Variants in CACHD1 observed in about 807,000 individuals in gnomAD.
The protein encoded by CACHD1 is cache domain containing 1.
In CACHD1, 71 loss-of-function variants were observed where a neutral mutation model predicts 138.7. The observed-to-expected ratio is 0.51, with a 90% CI of 0.42 to 0.62. The LOEUF is 0.62. Ranked by LOEUF, CACHD1 falls within the 20% of genes least tolerant of loss-of-function variation. The probability of loss-of-function intolerance (pLI) is 0.00; values close to 1 mark genes in which losing one functional copy is unlikely to be tolerated. For synonymous variants in CACHD1, 578 were observed against 591.5 expected (o/e 0.98, Z 0.33); for missense variants, 1,389 against 1,625.3 (o/e 0.85, Z 2.50).
At chr1:64,633,598 A>G (rs1243905065) in intron 6 of CACHD1, among the ~76,000 whole-genome samples, 3 of 152,060 alleles carry the variant, frequency 2.0e-5, no homozygotes, top group East Asian at 1.9e-4. Flanking sequence ...ATGATAATCT[A>G]TTGCCTGTGG....
At position 64,682,027 on chromosome 1, in the gene CACHD1, T is replaced by C. The variant is rs780676926; in HGVS notation, c.3507T>C (p.Ala1169=). The C allele has an allele frequency of 1.7e-5, 27 of 1,613,990 alleles. No individual in the cohort carries two copies. In the East Asian group the frequency reaches 4.0e-4, roughly 24 times the overall value. Residue 1169 remains alanine, a synonymous_variant, in exon 26 of 27, where the codon GCT becomes GCC. Transcript: ENST00000651257. ...CAGTCAGCAACACTCGGTTTATAGC[T>C]GCGGTCATCGAACGACATGCACACA... ...RGIISNTRFI[A]AVIERHAHSP... is the part of the protein sequence containing the mutation.
At chr1:64,634,804 C>A (rs1648454594) in intron 7 of CACHD1, among the ~76,000 whole-genome samples, 1 of 151,876 alleles carries the variant, frequency 6.6e-6, no homozygotes, top group South Asian at 2.1e-4. Flanking sequence ...ACCAGCCTGG[C>A]CAATATGGTG....
intron 7 of CACHD1, among the ~76,000 whole-genome samples, chr1:64,639,832 T>C (rs1012089823): frequency 6.6e-6 from 1 of 152,264 alleles, no homozygotes; most frequent in Non-Finnish European, 1.5e-5. Flanking sequence ...TCTCATAGTT[T>C]CTGTACTTCA....
At chr1:64,673,886 G>A (rs1039883425) in intron 19 of CACHD1, among the ~76,000 whole-genome samples, 1 of 152,122 alleles carries the variant, frequency 6.6e-6, no homozygotes, top group East Asian at 1.9e-4. Context: ...TCTATGAGAT[G>A]GGAACTCTTA....
At chr1:64,544,499 G>T (rs958100296) in intron 1 of CACHD1, among the ~76,000 whole-genome samples, 1 of 152,114 alleles carries the variant, frequency 6.6e-6, no homozygotes, top group Non-Finnish European at 1.5e-5. Context: ...TAAGGGAGGA[G>T]ATGATGGTTT....
intron 2 of CACHD1, among the ~76,000 whole-genome samples, chr1:64,565,249 C>T (rs985306799): frequency 4.0e-5 from 6 of 149,162 alleles, no homozygotes; most frequent in Admixed American, 1.3e-4. Context: ...CAGGTTGGGT[C>T]CTGGTTTAGT....
chr1:64,485,549 C>G (rs1225899578), intron 1 of CACHD1, among the ~76,000 whole-genome samples: 7 of 152,030 alleles, frequency 4.6e-5, no homozygotes, highest in Non-Finnish European at 7.4e-5. Flanking sequence ...TACCCATTCA[C>G]TAATTAAAGA....
intron 4 of CACHD1, among the ~76,000 whole-genome samples, chr1:64,628,918 A>C (rs1002756754): frequency 9.2e-5 from 14 of 152,122 alleles, no homozygotes; most frequent in Admixed American, 7.9e-4. Context: ...TTGCAAAGTA[A>C]AGGCAAGGTT....
At chr1:64,675,347 G>C in intron 19 of CACHD1, 54 bp from the exon 20 acceptor site, 1 of 1,432,886 alleles carries the variant, frequency 7.0e-7, no homozygotes, top group Non-Finnish European at 9.5e-7. Flanking sequence ...ACCAAGGTAG[G>C]GCTGAGTCTT....
At chr1:64,576,399 C>T (rs1646967368) in intron 2 of CACHD1, among the ~76,000 whole-genome samples, 1 of 151,944 alleles carries the variant, frequency 6.6e-6, no homozygotes, top group African/African-American at 2.4e-5. Context: ...CAGGATTAAC[C>T]TCTCTGTGGG....
intron 1 of CACHD1, among the ~76,000 whole-genome samples, chr1:64,523,484 T>G (rs1000621337): frequency 2.0e-5 from 3 of 152,222 alleles, no homozygotes; most frequent in Non-Finnish European, 4.4e-5. Context: ...GCTTGTGCTA[T>G]CTAGGTCTGG....
chr1:64,614,880 C>T (rs1647657474), intron 4 of CACHD1, among the ~76,000 whole-genome samples: 1 of 152,116 alleles, frequency 6.6e-6, no homozygotes, highest in Non-Finnish European at 1.5e-5. Flanking sequence ...CCCTGCTTCT[C>T]TTCCCTCTTT....
At chr1:64,668,103 C>T (rs1169448809) in intron 16 of CACHD1, among the ~76,000 whole-genome samples, 3 of 151,904 alleles carry the variant, frequency 2.0e-5, no homozygotes, top group East Asian at 1.9e-4. Context: ...CCAAGGCAGG[C>T]GGATCATGAG....
At chr1:64,542,715 A>G (rs1199338118) in intron 1 of CACHD1, among the ~76,000 whole-genome samples, 3 of 151,902 alleles carry the variant, frequency 2.0e-5, no homozygotes, top group Non-Finnish European at 4.4e-5. Flanking sequence ...TCTCTATTAA[A>G]CTCTATTAAA....
intron 1 of CACHD1, among the ~76,000 whole-genome samples, chr1:64,504,691 T>C (rs1337396377): frequency 6.6e-6 from 1 of 152,166 alleles, no homozygotes; most frequent in Non-Finnish European, 1.5e-5. Flanking sequence ...TGGAAAGATA[T>C]ACTGACCTGG....
At chr1:64,682,141 G>C in intron 26 of CACHD1, 35 bp downstream of exon 26, 1 of 1,574,752 alleles carries the variant, frequency 6.4e-7, no homozygotes, top group Non-Finnish European at 8.7e-7. Flanking sequence ...AAGACCCAAG[G>C]AACCTCATGT....
chr1:64,574,298 C>T (rs1433431672), intron 2 of CACHD1, among the ~76,000 whole-genome samples: 2 of 152,186 alleles, frequency 1.3e-5, no homozygotes, highest in African/African-American at 4.8e-5. Context: ...CTCCGCCTAG[C>T]TCCCAGGGTT....
chr1:64,571,735 G>C (rs965708872), intron 2 of CACHD1, among the ~76,000 whole-genome samples: 1 of 152,166 alleles, frequency 6.6e-6, no homozygotes, highest in Non-Finnish European at 1.5e-5. Flanking sequence ...TCCTCTAACG[G>C]GAGGCTAGGT....
At chr1:64,477,561 G>T in intron 1 of CACHD1, among the ~76,000 whole-genome samples, 1 of 149,666 alleles carries the variant, frequency 6.7e-6, no homozygotes, top group African/African-American at 2.5e-5. Flanking sequence ...CTCTACCTCT[G>T]CCTCCACTTG....
Sources: allele counts gnomAD v4.1 joint callset (sites outside exome capture counted in the v4.1 genomes callset), GRCh38; gene constraint gnomAD v4.1.1; transcripts MANE v1.5; gene names NCBI Gene and HGNC (gene_info 2026-07-23, HGNC 2026-07-21).